PDZD7: variants seen among roughly 807,000 people sequenced by gnomAD.
The protein encoded by PDZD7 is PDZ domain-containing protein 7.
PDZD7 carries 72 observed loss-of-function variants against 84.7 expected under a neutral mutation model. The ratio of observed to expected loss-of-function variants is 0.85; its 90% confidence interval spans 0.70 to 1.03. The LOEUF (loss-of-function observed/expected upper bound fraction) is 1.03. Among genes scored for constraint, PDZD7 ranks in the 50% least tolerant of loss-of-function variants. PDZD7 has a pLI of 0.00. For missense variants in PDZD7, 1,490 were observed against 1,412.9 expected (o/e 1.05, Z -0.87); for synonymous variants, 594 against 580.7 (o/e 1.02, Z -0.33).
At chr10:101,025,214 C>CT (rs58346242) in intron 2 of PDZD7, among the ~76,000 whole-genome samples, 9 of 152,152 alleles carry the variant, frequency 5.9e-5, no homozygotes, top group Non-Finnish European at 8.8e-5. Context: ...GGTTTTCTTT[C>CT]TTTTTTTTCC....
chr10:101,021,687 T>C (rs1853106564), intron 6 of PDZD7, 111 bp downstream of exon 6: 1 of 1,508,620 alleles, frequency 6.6e-7, no homozygotes, highest in African/African-American at 1.4e-5. Flanking sequence ...CCTGTCTACC[T>C]TCTAGTGGCT....
chr10:101,018,026 C>A, intron 9 of PDZD7, 73 bp downstream of exon 9: 1 of 1,597,376 alleles, frequency 6.3e-7, no homozygotes, highest in South Asian at 1.1e-5. Context: ...TGTGGGATCT[C>A]AACTCAGAAC....
At chr10:101,023,284 T>C in intron 4 of PDZD7, 152 bp downstream of exon 4, 2 of 853,050 alleles carry the variant, frequency 2.3e-6, no homozygotes, top group South Asian at 1.5e-5. Context: ...CAGCCTCTCC[T>C]TATTTTGAGG....
intron 4 of PDZD7, chr10:101,023,228 G>A: frequency 1.6e-6 from 1 of 628,036 alleles, no homozygotes; most frequent in Non-Finnish European, 2.8e-6. Context: ...CAGAACCACT[G>A]GGATCTGGGA....
At position 101,012,256 on chromosome 10, in the gene PDZD7, A is replaced by G. The variant is rs368563439; in HGVS notation, c.1752T>C (p.Tyr584=). ...GGTCCTCTATGCCTCCCTCGTGCAC[A>G]TACTGCAGATAGAGGCAGCACAGGT... ...VLAVTRHCSR[Y]VHEGGIEDLV... The change falls in exon 12 of 17, where the codon TAT becomes TAC. Residue 584 remains tyrosine (Y), a splice_region_variant and synonymous_variant. Coordinates refer to ENST00000619208, the MANE Select transcript of PDZD7 (RefSeq NM_001195263.2). The G allele has an allele frequency of 1.9e-4, 301 of 1,549,776 alleles. 3 individuals are homozygous for G. In the South Asian group the frequency reaches 3.3e-3, roughly 17 times the overall value.
In PDZD7 at chr10:101,023,484, C is replaced by G. The variant is rs149282897; in HGVS notation, c.494G>C (p.Arg165Pro). The G allele has an allele frequency of 1.9e-6, 3 of 1,614,088 alleles. No individual in the cohort carries two copies. The East Asian group carries it at 6.7e-5, about 36-fold the overall frequency. The change falls in exon 4 of 17, where the codon CGC (arginine) becomes CCC (proline). Residue 165 changes from arginine (R) to proline (P), a missense_variant. Arg to Pro is a moderately radical substitution (Grantham distance 103). Transcript: ENST00000619208. ...SSSRLHMMVR[R>P]MGRVPGIKFS... ...CTTGATGCCCGGCACACGGCCCATG[C>G]GCCGAACCATCATGTGCAGGCGGCT...
chr10:101,014,914 G>A (rs1852543044), intron 11 of PDZD7, among the ~76,000 whole-genome samples: 1 of 152,142 alleles, frequency 6.6e-6, no homozygotes, highest in South Asian at 2.1e-4. Flanking sequence ...TCCTCACAAA[G>A]AGCCCAGTGT....
At chr10:101,011,248 G>T (rs1161833468) in intron 14 of PDZD7, 1 of 416,982 alleles carries the variant, frequency 2.4e-6, no homozygotes, top group Non-Finnish European at 3.9e-6. Flanking sequence ...CGCCATGTTG[G>T]CCAGGTTGGT....
intron 11 of PDZD7, among the ~76,000 whole-genome samples, chr10:101,013,154 A>G (rs1360501944): frequency 6.6e-6 from 1 of 152,188 alleles, no homozygotes; most frequent in Non-Finnish European, 1.5e-5. Context: ...GTGGCCCCAA[A>G]CCACACACAG....
intron 2 of PDZD7, among the ~76,000 whole-genome samples, chr10:101,026,950 T>C (rs1460410623): frequency 6.6e-6 from 1 of 151,996 alleles, no homozygotes; most frequent in East Asian, 1.9e-4. Context: ...CCTAGGGCCC[T>C]AGGTCAGGGA....
intron 2 of PDZD7, among the ~76,000 whole-genome samples, chr10:101,026,866 C>A (rs928464956): frequency 6.6e-6 from 1 of 152,054 alleles, no homozygotes; most frequent in Non-Finnish European, 1.5e-5. Flanking sequence ...TCTCAGGACA[C>A]TTTCAGCCTT....
At chr10:101,026,663 T>TCACACA (rs3051194) in intron 2 of PDZD7, among the ~76,000 whole-genome samples, 1,617 of 123,846 alleles carry the variant, frequency 0.013, 22 homozygotes, top group Admixed American at 0.02. Context: ...CAGGGAGAAA[T>TCACACA]CACACACACA....
Position 101,018,836 on chromosome 10 carries a change from T to A in PDZD7, c.1310A>T (p.Tyr437Phe). 6.3e-7 allele frequency: 1 copy of A among 1,599,396 alleles called. No individual in the cohort carries two copies. Among genetic ancestry groups the A allele is most frequent in the African/African-American group, 1.3e-5 (1 of 74,866 alleles). Residue 437 changes from tyrosine (Y) to phenylalanine (F), a missense_variant, in exon 8 of 17, where the codon TAT (tyrosine) becomes TTT (phenylalanine). Coordinates refer to ENST00000619208, the MANE Select transcript of PDZD7 (RefSeq NM_001195263.2). ...PRPPITRSQS[Y>F]LTLWEEKQQR... ...CCCCCACGTACCCCACAAGGTCAGA[T>A]AGCTCTGGGAGCGCGTGATGGGGGG...
intron 10 of PDZD7, 99 bp downstream of exon 10, chr10:101,016,278 A>G (rs1213858100): frequency 8.0e-7 from 1 of 1,257,234 alleles, no homozygotes; most frequent in African/African-American, 1.5e-5. Context: ...CTTGACCCTG[A>G]CTGAATTTAG....
chr10:101,016,312 C>T (rs1852623276), intron 10 of PDZD7, 65 bp downstream of exon 10: 1 of 1,513,184 alleles, frequency 6.6e-7, no homozygotes, highest in Non-Finnish European at 9.0e-7. Flanking sequence ...AGCTGGCCCC[C>T]AGTATGCACC....
In PDZD7 at chr10:101,010,684, A is replaced by AG. The variant is rs1193671507; in HGVS notation, c.2204dup (p.Pro736SerfsTer14). ...GGGGAGCCACGGGGGGTAGCTGGGG[A>AG]GGGGGTGTGCAGGCAATTCGGAGGG... is the stretch of plus-strand genomic sequence containing the variant. On this transcript the variant is annotated frameshift_variant, in exon 15 of 17. Transcript: ENST00000619208. LOFTEE classifies it high-confidence loss of function. 7 of 1,217,530 alleles carry AG rather than the reference A, an allele frequency of 5.7e-6. No individual in the cohort carries two copies. Among genetic ancestry groups the AG allele is most frequent in the Non-Finnish European group, 2.1e-6 (2 of 952,828 alleles). The allele number at this position is 1,217,530 out of a possible 1,614,324, so 75.4% of individuals were successfully genotyped here. A position where few individuals can be genotyped will look rare whatever the true frequency, so the allele number is the denominator to read the frequency against.
chr10:101,028,397 G>C (rs958250360), intron 2 of PDZD7, among the ~76,000 whole-genome samples: 1 of 152,106 alleles, frequency 6.6e-6, no homozygotes, highest in African/African-American at 2.4e-5. Context: ...AGACCAGCCT[G>C]GGCAACATGG....
chr10:101,022,078 C>G (rs1853141105), intron 5 of PDZD7, 131 bp downstream of exon 5: 1 of 1,553,656 alleles, frequency 6.4e-7, no homozygotes, highest in East Asian at 2.3e-5. Flanking sequence ...CTCCCGCCCC[C>G]TCCCAGGCCC....
intron 2 of PDZD7, among the ~76,000 whole-genome samples, chr10:101,028,991 G>A (rs1267800684): frequency 6.6e-6 from 1 of 152,242 alleles, no homozygotes; most frequent in Non-Finnish European, 1.5e-5. Context: ...CTGGGTCAGA[G>A]GGGGAGGAGC....
Sources: gnomAD v4.1 joint callset for allele counts (sites outside exome capture counted in the v4.1 genomes callset) on GRCh38, gnomAD v4.1.1 for gene constraint, MANE v1.5 for transcripts, NCBI Gene and HGNC (gene_info 2026-07-23, HGNC 2026-07-21) for gene names.